The following THRB variants were observed in gnomAD, a reference collection of about 807,000 sequenced individuals.
THRB encodes the protein nuclear receptor subfamily 1 group A member 2.
A neutral mutation model predicts 47.8 loss-of-function variants in THRB; 12 were observed. That is an observed-to-expected ratio of 0.25 (90% confidence interval 0.16 to 0.41). THRB has a LOEUF of 0.41. Ranked by LOEUF, THRB falls within the 10% of genes least tolerant of loss-of-function variation. The pLI, the probability that THRB is intolerant of heterozygous loss-of-function variation, is 1.00. For missense variants in THRB, 348 were observed against 589.2 expected (o/e 0.59, Z 4.24); for synonymous variants, 218 against 212.2 (o/e 1.03, Z -0.24).
chr3:24,369,501 C>T (rs936353809), intron 1 of THRB, among the ~76,000 whole-genome samples: 24 of 152,086 alleles, frequency 1.6e-4, no homozygotes, highest in Non-Finnish European at 2.1e-4. Flanking sequence ...AGAAAGAAAA[C>T]ATGAGTAGAA....
intron 8 of THRB, among the ~76,000 whole-genome samples, chr3:24,134,627 G>C (rs1310848625): frequency 6.6e-6 from 1 of 152,038 alleles, no homozygotes; most frequent in East Asian, 1.9e-4. Context: ...CTACTTCAAG[G>C]CTTTTACTCC....
At chr3:24,357,835 G>A (rs1030097741) in intron 1 of THRB, among the ~76,000 whole-genome samples, 4 of 152,076 alleles carry the variant, frequency 2.6e-5, no homozygotes, top group South Asian at 2.1e-4. Context: ...AACAATGTGC[G>A]TCTTTTCATA....
chr3:24,353,330 T>G (rs1189276405), intron 1 of THRB, among the ~76,000 whole-genome samples: 3 of 152,080 alleles, frequency 2.0e-5, no homozygotes, highest in Non-Finnish European at 4.4e-5. Context: ...GGTGTAGAGT[T>G]TCACAGTTCT....
intron 1 of THRB, among the ~76,000 whole-genome samples, chr3:24,350,531 T>C (rs766520305): frequency 1.3e-5 from 2 of 152,142 alleles, no homozygotes; most frequent in Non-Finnish European, 2.9e-5. Flanking sequence ...AAACATAATA[T>C]TGAGCAAAAT....
intron 2 of THRB, among the ~76,000 whole-genome samples, chr3:24,306,623 C>T (rs75741773): frequency 0.073 from 11,110 of 152,026 alleles, 412 homozygotes; most frequent in Non-Finnish European, 0.081. Context: ...AACAGCTGAT[C>T]TCAGGTTTTT....
intron 3 of THRB, among the ~76,000 whole-genome samples, chr3:24,263,995 T>C (rs992378096): frequency 6.6e-6 from 1 of 152,174 alleles, no homozygotes; most frequent in African/African-American, 2.4e-5. Flanking sequence ...TGGCAGAACA[T>C]ATTTATGTCT....
intron 1 of THRB, among the ~76,000 whole-genome samples, chr3:24,419,745 G>C (rs1308352216): frequency 2.6e-5 from 4 of 151,868 alleles, no homozygotes; most frequent in African/African-American, 9.7e-5. Context: ...CTATCTTTGA[G>C]AATCTTTCAT....
At chr3:24,205,817 A>C (rs2045273401) in intron 4 of THRB, among the ~76,000 whole-genome samples, 1 of 152,344 alleles carries the variant, frequency 6.6e-6, no homozygotes, top group Non-Finnish European at 1.5e-5. Context: ...TCTACCAAGC[A>C]AATGGAAAAC....
intron 2 of THRB, among the ~76,000 whole-genome samples, chr3:24,330,768 T>C (rs1041310027): frequency 2.6e-5 from 4 of 152,026 alleles, no homozygotes; most frequent in Non-Finnish European, 4.4e-5. Context: ...CAGCATTTGG[T>C]GGGAAAAAAT....
chr3:24,230,861 G>GATATTATCTCTAGAA, intron 3 of THRB, among the ~76,000 whole-genome samples: 1 of 152,188 alleles, frequency 6.6e-6, no homozygotes, highest in South Asian at 2.1e-4. Flanking sequence ...GAGAGAAAGA[G>GATATTATCTCTAGAA]ATATTATCTA....
rs1465340335 is a variant in THRB at position 24,242,015 on chromosome 3, A to C, written c.-42-13014T>G. Among the ~76,000 whole-genome samples, 3 of 152,264 alleles carry C rather than the reference A, an allele frequency of 2.0e-5. No homozygotes were observed. In the East Asian group the frequency reaches 5.8e-4, roughly 29 times the overall value. On this transcript the variant is annotated intron_variant, in intron 3 of 10. Transcript: ENST00000646209. The stretch of plus-strand genomic sequence containing the variant: ...ATCAGTGCATAGTAGGAACTCAAAA[A>C]ACATGAGTTATTTCTTGAAGCTAGG...
At chr3:24,226,151 T>C (rs1228991773) in intron 4 of THRB, among the ~76,000 whole-genome samples, 3 of 152,182 alleles carry the variant, frequency 2.0e-5, no homozygotes, top group African/African-American at 7.2e-5. Context: ...ATCTAAAAAA[T>C]GATTTTCTTT....
chr3:24,164,563 T>C (rs1313242468), intron 5 of THRB, among the ~76,000 whole-genome samples: 1 of 152,124 alleles, frequency 6.6e-6, no homozygotes, highest in African/African-American at 2.4e-5. Context: ...GTTAAAGAAA[T>C]CACTAAATCA....
intron 2 of THRB, among the ~76,000 whole-genome samples, chr3:24,322,460 A>T (rs1211646922): frequency 2.0e-5 from 3 of 152,226 alleles, no homozygotes. Flanking sequence ...GCTTTGGGCC[A>T]GGCCCACCTC....
intron 1 of THRB, among the ~76,000 whole-genome samples, chr3:24,353,373 C>T (rs1403461094): frequency 6.6e-6 from 1 of 151,956 alleles, no homozygotes; most frequent in Non-Finnish European, 1.5e-5. Flanking sequence ...TGGCTACAGG[C>T]AAAACTGAGC....
At chr3:24,389,808 G>T (rs575400193) in intron 1 of THRB, among the ~76,000 whole-genome samples, 1 of 152,112 alleles carries the variant, frequency 6.6e-6, no homozygotes, top group East Asian at 1.9e-4. Context: ...TATAAAAATA[G>T]CTTCAGCAAT....
intron 5 of THRB, among the ~76,000 whole-genome samples, chr3:24,186,747 A>C (rs1393152718): frequency 6.6e-6 from 1 of 151,998 alleles, no homozygotes; most frequent in Non-Finnish European, 1.5e-5. Context: ...GGAGTTTGAG[A>C]CCTGCCTGGC....
chr3:24,218,342 C>CTCTTTT (rs1471720803), intron 4 of THRB, among the ~76,000 whole-genome samples: 1 of 117,238 alleles, frequency 8.5e-6, no homozygotes, highest in Admixed American at 9.1e-5. Flanking sequence ...CTCTCTCTCT[C>CTCTTTT]TTTTTTTTTT....
intron 2 of THRB, among the ~76,000 whole-genome samples, chr3:24,336,205 G>A (rs2062238300): frequency 6.6e-6 from 1 of 152,226 alleles, no homozygotes; most frequent in African/African-American, 2.4e-5. Context: ...GACAGAGGCA[G>A]CCAGACAGGG....
Sources: gnomAD v4.1 joint callset for allele counts (sites outside exome capture counted in the v4.1 genomes callset) on GRCh38, gnomAD v4.1.1 for gene constraint, MANE v1.5 for transcripts, NCBI Gene and HGNC (gene_info 2026-07-23, HGNC 2026-07-21) for gene names.